Variants in POU2F1 observed in about 807,000 individuals in gnomAD.
POU2F1 encodes the protein POU class 2 homeobox 1.
In POU2F1, 16 loss-of-function variants were observed where a neutral mutation model predicts 84.9. That is an observed-to-expected ratio of 0.19 (90% CI 0.13 to 0.29). POU2F1 has a LOEUF of 0.29. POU2F1 is among the 10% of genes least tolerant of loss of function. POU2F1 has a pLI of 1.00. For synonymous variants in POU2F1, 368 were observed against 368.3 expected, an observed-to-expected ratio of 1.00 and a Z score of 0.01; for missense variants, 738 against 942.6, an observed-to-expected ratio of 0.78 and a Z score of 2.84.
In POU2F1 at chr1:167,418,208, A is replaced by T. The variant is rs1650430173; in HGVS notation, c.*2398A>T. 6.6e-6 allele frequency: 1 copy of T among 152,224 alleles called. No homozygotes were observed. Among genetic ancestry groups the T allele is most frequent in the Non-Finnish European group, 1.5e-5 (1 of 68,038 alleles). The allele number at this position is 152,224 out of a possible 1,614,324, so 9.4% of individuals were successfully genotyped here. A position where few individuals can be genotyped will look rare whatever the true frequency, so the allele number is the denominator to read the frequency against. On this transcript the variant is annotated 3_prime_UTR_variant, in exon 16 of 16. Transcript: ENST00000367866. ...TTTTTCATTTGTCTTTATTAATTTT[A>T]TATGAAAGTTGCTGCTTGTTTTTAA...
chr1:167,361,012 T>C (rs1659320440), intron 2 of POU2F1, among the ~76,000 whole-genome samples: 1 of 152,176 alleles, frequency 6.6e-6, no homozygotes, highest in African/African-American at 2.4e-5. Context: ...CTTGATTTGG[T>C]TTTCAACTTG....
Position 167,424,305 on chromosome 1 carries a change from T to G in POU2F1, c.*8495T>G, listed in dbSNP as rs1262312313. On this transcript the variant is annotated 3_prime_UTR_variant, in exon 16 of 16. Coordinates refer to ENST00000367866, the MANE Select transcript of POU2F1 (RefSeq NM_002697.4). ...GACAACATAAATGTTGTATCTTCCC[T>G]AAGGTCAGGTCGGGGAAAGAAAGAC... 1 of 152,244 alleles carries G rather than the reference T, an allele frequency of 6.6e-6. No individual in the cohort carries two copies. The highest frequency in any genetic ancestry group is 6.5e-5 in the Admixed American group (1 of 15,292). The allele number at this position is 152,244 out of a possible 1,614,324, so 9.4% of individuals were successfully genotyped here.
chr1:167,360,083 G>A (rs1021845130), intron 2 of POU2F1, among the ~76,000 whole-genome samples: 6 of 151,632 alleles, frequency 4.0e-5, no homozygotes, highest in East Asian at 3.9e-4. Context: ...TTTTTTGGAT[G>A]CACAGTTTGC....
At chr1:167,293,411 A>G (rs571832339) in intron 1 of POU2F1, among the ~76,000 whole-genome samples, 1 of 152,184 alleles carries the variant, frequency 6.6e-6, no homozygotes, top group East Asian at 1.9e-4. Context: ...CTAGGAATAT[A>G]CTTAACCAAG....
intron 1 of POU2F1, among the ~76,000 whole-genome samples, chr1:167,235,002 TA>T (rs1226645772): frequency 2.6e-5 from 4 of 152,214 alleles, no homozygotes; most frequent in Non-Finnish European, 1.5e-5. Flanking sequence ...CTTTCTCCCA[TA>T]CCAAGCTGTT....
chr1:167,375,412 G>A (rs959008406), intron 6 of POU2F1, among the ~76,000 whole-genome samples: 16 of 152,268 alleles, frequency 1.1e-4, no homozygotes, highest in South Asian at 1.0e-3. Context: ...ATAAGATAAC[G>A]TTCATGAAAA....
At chr1:167,300,553 C>T (rs1654614778) in intron 1 of POU2F1, among the ~76,000 whole-genome samples, 2 of 152,172 alleles carry the variant, frequency 1.3e-5, no homozygotes, top group Non-Finnish European at 2.9e-5. Flanking sequence ...CAACCTCCGC[C>T]TCCCAGGTTC....
At chr1:167,410,204 AT>A in intron 13 of POU2F1, among the ~76,000 whole-genome samples, 1 of 152,340 alleles carries the variant, frequency 6.6e-6, no homozygotes, top group South Asian at 2.1e-4. Context: ...CTTCCTTTTT[AT>A]TTAACAATAA....
intron 1 of POU2F1, among the ~76,000 whole-genome samples, chr1:167,244,062 G>A (rs903011384): frequency 3.3e-5 from 5 of 152,164 alleles, no homozygotes; most frequent in African/African-American, 1.2e-4. Flanking sequence ...CTGAGCACAG[G>A]ACACCTGAGA....
chr1:167,427,251 G>A lies in POU2F1; in HGVS notation c.*11441G>A, dbSNP rs191411510. 83 of 152,194 alleles carry A rather than the reference G, an allele frequency of 5.5e-4. No homozygotes were observed. The highest frequency in any genetic ancestry group is 1.8e-3 in the African/African-American group (75 of 41,524). The allele number at this position is 152,194 out of a possible 1,614,324, so 9.4% of individuals were successfully genotyped here. A position where few individuals can be genotyped will look rare whatever the true frequency, so the allele number is the denominator to read the frequency against. On this transcript the variant is annotated 3_prime_UTR_variant, in exon 16 of 16. Coordinates refer to ENST00000367866, the MANE Select transcript of POU2F1 (RefSeq NM_002697.4). ...TTTTGTGTAGATGCATTTGTCTGCT[G>A]TAATTTTTTATATATATATTAAACT...
At chr1:167,234,371 G>C (rs925476035) in intron 1 of POU2F1, among the ~76,000 whole-genome samples, 1 of 152,174 alleles carries the variant, frequency 6.6e-6, no homozygotes, top group Non-Finnish European at 1.5e-5. Flanking sequence ...CGTTTTTGAA[G>C]TTGGTTGTAT....
In POU2F1 at chr1:167,371,899, C is replaced by T. The variant is rs775532872; in HGVS notation, c.283-18C>T. 4.3e-6 allele frequency: 7 copies of T among 1,613,916 alleles called. No homozygotes were observed. Among genetic ancestry groups the T allele is most frequent in the Admixed American group, 3.3e-5 (2 of 60,004 alleles). On this transcript the variant is annotated intron_variant, in intron 4 of 15. Coordinates refer to ENST00000367866, the MANE Select transcript of POU2F1 (RefSeq NM_002697.4). ...TCAACCATTTGCAATCTTTTATTTCCTACCCACCCCACCTCAGTCTAAATC... is the reference window on the plus strand; with the variant it reads ...TCAACCATTTGCAATCTTTTATTTCTTACCCACCCCACCTCAGTCTAAATC...
intron 1 of POU2F1, among the ~76,000 whole-genome samples, chr1:167,292,301 A>G (rs1260384706): frequency 2.0e-5 from 3 of 152,096 alleles, no homozygotes; most frequent in Admixed American, 6.5e-5. Context: ...TATTGGTGCA[A>G]TTTTTAATAA....
At chr1:167,335,020 T>A (rs989830076) in intron 2 of POU2F1, among the ~76,000 whole-genome samples, 2 of 152,208 alleles carry the variant, frequency 1.3e-5, no homozygotes, top group Non-Finnish European at 2.9e-5. Flanking sequence ...ATTTTAAGAT[T>A]GTGTTGATAC....
At chr1:167,387,852 C>T (rs1311175429) in intron 8 of POU2F1, among the ~76,000 whole-genome samples, 1 of 151,932 alleles carries the variant, frequency 6.6e-6, no homozygotes, top group Non-Finnish European at 1.5e-5. Context: ...GAGACTATAC[C>T]CTCATGTCCC....
intron 1 of POU2F1, among the ~76,000 whole-genome samples, chr1:167,221,907 C>A (rs965689992): frequency 3.3e-5 from 5 of 151,710 alleles, no homozygotes; most frequent in African/African-American, 1.2e-4. Flanking sequence ...CGCGCGCCCC[C>A]GGCCGGCGGT....
At chr1:167,397,666 C>T (rs963570997) in intron 10 of POU2F1, among the ~76,000 whole-genome samples, 1 of 152,174 alleles carries the variant, frequency 6.6e-6, no homozygotes, top group African/African-American at 2.4e-5. Context: ...CTGCCTCAGC[C>T]TCCCAAGTAA....
rs572236146 is a variant in POU2F1, at chr1:167,335,220, A to G, written c.127+2685A>G. Among the ~76,000 whole-genome samples the G allele has an allele frequency of 2.5e-3, 380 of 152,322 alleles. 1 individual carries two copies. The highest frequency in any genetic ancestry group is 3.9e-3 in the Non-Finnish European group (262 of 68,016). On this transcript the variant is annotated intron_variant, in intron 2 of 15. Coordinates refer to ENST00000367866, the MANE Select transcript of POU2F1 (RefSeq NM_002697.4). ...AGGATGTACAATGCAAATAGATGAA[A>G]TAACCCTCAGTCTTTAAGGAGTTAA...
intron 1 of POU2F1, among the ~76,000 whole-genome samples, chr1:167,299,970 G>C (rs1654565495): frequency 6.6e-6 from 1 of 152,114 alleles, no homozygotes; most frequent in African/African-American, 2.4e-5. Context: ...TGCCCTTTAA[G>C]AGTAGCTACT....
Sources: allele counts gnomAD v4.1 joint callset (sites outside exome capture counted in the v4.1 genomes callset), GRCh38; gene constraint gnomAD v4.1.1; transcripts MANE v1.5; gene names NCBI Gene and HGNC (gene_info 2026-07-23, HGNC 2026-07-21).